The following LRP1B variants were observed in gnomAD, a reference collection of about 807,000 sequenced individuals.
The protein encoded by LRP1B is low-density lipoprotein receptor-related protein 1B.
Under a neutral mutation model 556.6 loss-of-function variants are expected in LRP1B, and 217 were observed. The observed-to-expected ratio is 0.39, with a 90% CI of 0.35 to 0.44. LRP1B has a LOEUF of 0.44. Ranked by LOEUF, LRP1B falls within the 20% of genes least tolerant of loss-of-function variation. LRP1B has a pLI of 1.00. For synonymous variants in LRP1B, 2,047 were observed against 1,865.8 expected (o/e 1.10, Z -2.50); for missense variants, 5,053 against 5,620.8 (o/e 0.90, Z 3.23).
chr2:140,287,771 ACCCCTG>A (rs1683209146), intron 84 of LRP1B, among the ~76,000 whole-genome samples: 3 of 151,580 alleles, frequency 2.0e-5, no homozygotes, highest in Non-Finnish European at 4.4e-5. Context: ...CTGTGAAGCA[ACCCCTG>A]CTACACTGGT....
At chr2:141,600,775 C>T (rs1368919975) in intron 2 of LRP1B, among the ~76,000 whole-genome samples, 1 of 152,096 alleles carries the variant, frequency 6.6e-6, no homozygotes, top group African/African-American at 2.4e-5. Flanking sequence ...ACTCTGTCCA[C>T]CCCTGTTTTG....
At chr2:141,119,569 C>T (rs1282946882) in intron 7 of LRP1B, among the ~76,000 whole-genome samples, 1 of 151,750 alleles carries the variant, frequency 6.6e-6, no homozygotes, top group African/African-American at 2.4e-5. Flanking sequence ...CTATCATGGT[C>T]TCAAGATTAC....
chr2:141,263,991 T>C (rs1684796300), intron 3 of LRP1B, among the ~76,000 whole-genome samples: 1 of 152,176 alleles, frequency 6.6e-6, no homozygotes, highest in Non-Finnish European at 1.5e-5. Flanking sequence ...TTCTTCAACC[T>C]AATGAATGAT....
intron 2 of LRP1B, among the ~76,000 whole-genome samples, chr2:141,483,331 A>G (rs1333405644): frequency 1.3e-5 from 2 of 150,274 alleles, no homozygotes; most frequent in African/African-American, 4.9e-5. Flanking sequence ...CATGGTGTAT[A>G]TGTGCCACAT....
At chr2:141,110,538 C>T (rs150233912) in intron 7 of LRP1B, among the ~76,000 whole-genome samples, 1 of 151,812 alleles carries the variant, frequency 6.6e-6, no homozygotes, top group Non-Finnish European at 1.5e-5. Context: ...TAGGGAAAAG[C>T]GAAGGTGGAG....
At chr2:141,138,604 A>G (rs1241234274) in intron 7 of LRP1B, among the ~76,000 whole-genome samples, 1 of 151,830 alleles carries the variant, frequency 6.6e-6, no homozygotes, top group East Asian at 1.9e-4. Flanking sequence ...GCAAATAACA[A>G]TTGGAAACTA....
intron 83 of LRP1B, among the ~76,000 whole-genome samples, chr2:140,303,467 T>C (rs1683930086): frequency 6.6e-6 from 1 of 151,906 alleles, no homozygotes; most frequent in Admixed American, 6.6e-5. Flanking sequence ...CAGGCTGGTC[T>C]CGAATTCCTG....
chr2:141,463,582 T>TA (rs1405204222), intron 3 of LRP1B, among the ~76,000 whole-genome samples: 226 of 78,122 alleles, frequency 2.9e-3, no homozygotes, highest in Middle Eastern at 0.014. Context: ...TTATATATAA[T>TA]TATATATAAT....
intron 38 of LRP1B, 33 bp from the exon 39 acceptor site, chr2:140,702,325 T>C (rs2105429345): frequency 1.9e-6 from 3 of 1,608,226 alleles, no homozygotes; most frequent in Non-Finnish European, 2.5e-6. Context: ...CGTTACAGAC[T>C]ATATTTGATT....
At chr2:140,535,833 A>T (rs1442666103) in intron 46 of LRP1B, among the ~76,000 whole-genome samples, 1 of 152,152 alleles carries the variant, frequency 6.6e-6, no homozygotes, top group Non-Finnish European at 1.5e-5. Flanking sequence ...GATGTTGACT[A>T]TCACTTGGTG....
chr2:140,498,696 C>T (rs748253965), intron 55 of LRP1B, among the ~76,000 whole-genome samples: 1 of 151,734 alleles, frequency 6.6e-6, no homozygotes. Context: ...AATTTTGCAA[C>T]GTGGTAGAAG....
intron 17 of LRP1B, among the ~76,000 whole-genome samples, chr2:140,988,028 G>A (rs929205823): frequency 6.6e-6 from 1 of 152,010 alleles, no homozygotes; most frequent in Non-Finnish European, 1.5e-5. Flanking sequence ...GTCTCATTAT[G>A]AATTATAATC....
chr2:140,544,806 A>G (rs1680267019), intron 43 of LRP1B, among the ~76,000 whole-genome samples: 1 of 152,158 alleles, frequency 6.6e-6, no homozygotes, highest in African/African-American at 2.4e-5. Flanking sequence ...TCTTTACAAT[A>G]GAATGATTTA....
intron 43 of LRP1B, among the ~76,000 whole-genome samples, chr2:140,584,596 G>T (rs1247505629): frequency 6.6e-6 from 1 of 152,044 alleles, no homozygotes; most frequent in African/African-American, 2.4e-5. Flanking sequence ...AGGGACACCA[G>T]TTATTTTCTG....
At chr2:141,652,374 T>C (rs1574197497) in intron 2 of LRP1B, among the ~76,000 whole-genome samples, 2 of 152,232 alleles carry the variant, frequency 1.3e-5, no homozygotes, top group East Asian at 3.8e-4. Context: ...TAGTTATTTA[T>C]CCCAGGCCTT....
chr2:141,744,151 C>T (rs1478511459), intron 2 of LRP1B, among the ~76,000 whole-genome samples: 1 of 151,962 alleles, frequency 6.6e-6, no homozygotes, highest in Non-Finnish European at 1.5e-5. Context: ...TTTAGTACTG[C>T]TTTCAGTGTA....
intron 3 of LRP1B, among the ~76,000 whole-genome samples, chr2:141,384,640 TAGCTC>T (rs760941238): frequency 6.6e-5 from 10 of 152,084 alleles, no homozygotes; most frequent in Non-Finnish European, 7.4e-5. Context: ...TAGAGCATAA[TAGCTC>T]AGCAGCATGC....
intron 2 of LRP1B, among the ~76,000 whole-genome samples, chr2:141,481,923 C>G (rs1359871258): frequency 6.6e-6 from 1 of 152,102 alleles, no homozygotes; most frequent in Admixed American, 6.5e-5. Context: ...AGGTAAGTTG[C>G]TTTTTGGTAA....
At chr2:141,579,755 A>C (rs1049505268) in intron 2 of LRP1B, among the ~76,000 whole-genome samples, 3 of 79,864 alleles carry the variant, frequency 3.8e-5, no homozygotes, top group Admixed American at 1.5e-4. Flanking sequence ...GACGGAGTGC[A>C]GTGGCGTGAT....
Sources: gnomAD v4.1 joint callset for allele counts (sites outside exome capture counted in the v4.1 genomes callset) on GRCh38, gnomAD v4.1.1 for gene constraint, MANE v1.5 for transcripts, NCBI Gene and HGNC (gene_info 2026-07-23, HGNC 2026-07-21) for gene names.